Variants in MXRA7 observed in about 807,000 individuals in gnomAD.
The protein encoded by MXRA7 is matrix-remodeling-associated protein 7.
Under a neutral mutation model 17.4 loss-of-function variants are expected in MXRA7, and 18 were observed. The observed-to-expected ratio is 1.03, with a 90% confidence interval of 0.71 to 1.53. The LOEUF (loss-of-function observed/expected upper bound fraction) is 1.53. Ranked by LOEUF, MXRA7 falls within the 40% of genes most tolerant of loss-of-function variation. The probability of loss-of-function intolerance (pLI) is 0.00; values close to 1 mark genes in which losing one functional copy is unlikely to be tolerated. For synonymous variants in MXRA7, 70 were observed against 101.7 expected (o/e 0.69, Z 1.87); for missense variants, 141 against 209.3 (o/e 0.67, Z 2.01).
chr17:76,691,167 T>C (rs1364653351), intron 1 of MXRA7, among the ~76,000 whole-genome samples: 1 of 152,206 alleles, frequency 6.6e-6, no homozygotes, highest in African/African-American at 2.4e-5. Context: ...ATGACGCCTA[T>C]GTGATGAGGC....
intron 1 of MXRA7, among the ~76,000 whole-genome samples, chr17:76,706,694 C>T (rs1382354886): frequency 2.7e-5 from 2 of 75,020 alleles, no homozygotes; most frequent in Non-Finnish European, 7.8e-5. Flanking sequence ...TTAAGACAGA[C>T]AGATGAAGGC....
intron 1 of MXRA7, among the ~76,000 whole-genome samples, chr17:76,692,002 C>T (rs932315884): frequency 1.3e-5 from 2 of 152,150 alleles, no homozygotes; most frequent in Non-Finnish European, 2.9e-5. Flanking sequence ...CCCCAAAGGA[C>T]CCAGTATCAG....
intron 1 of MXRA7, among the ~76,000 whole-genome samples, chr17:76,706,934 C>T (rs879775551): frequency 7.9e-5 from 12 of 152,122 alleles, no homozygotes; most frequent in Non-Finnish European, 1.3e-4. Flanking sequence ...TATACACACA[C>T]ACACTGTGTG....
chr17:76,691,582 A>T (rs770867345), intron 1 of MXRA7, among the ~76,000 whole-genome samples: 2 of 152,082 alleles, frequency 1.3e-5, no homozygotes, highest in Non-Finnish European at 2.9e-5. Flanking sequence ...CAGGCAGTTA[A>T]TGTCAGAGTT....
At chr17:76,708,284 G>A (rs2076683587) in intron 1 of MXRA7, among the ~76,000 whole-genome samples, 1 of 152,226 alleles carries the variant, frequency 6.6e-6, no homozygotes, top group Non-Finnish European at 1.5e-5. Context: ...GGATTAGAAA[G>A]GAGGCAGTTA....
chr17:76,680,906 A>G (rs748664615), intron 3 of MXRA7, 27 bp from the exon 4 acceptor site: 6 of 1,573,988 alleles, frequency 3.8e-6, no homozygotes, highest in Middle Eastern at 1.7e-4. Flanking sequence ...GGAGAAAAAG[A>G]TAATTTATTT....
At chr17:76,687,605 C>G (rs1161200616) in intron 2 of MXRA7, among the ~76,000 whole-genome samples, 1 of 152,202 alleles carries the variant, frequency 6.6e-6, no homozygotes, top group Non-Finnish European at 1.5e-5. Flanking sequence ...GGCAGTGTCT[C>G]CCCTGTTCTC....
At chr17:76,678,489 T>C (rs996298364), downstream of MXRA7, among the ~76,000 whole-genome samples, 1 of 152,142 alleles carries the variant, frequency 6.6e-6, no homozygotes, top group Non-Finnish European at 1.5e-5. Flanking sequence ...CAGGGAGCCA[T>C]ATGTTTGTTG....
At chr17:76,685,319 C>T (rs999304801) in intron 2 of MXRA7, among the ~76,000 whole-genome samples, 154 bp from the exon 3 acceptor site, 2 of 152,196 alleles carry the variant, frequency 1.3e-5, no homozygotes, top group Non-Finnish European at 2.9e-5. Flanking sequence ...TACCCCCTCT[C>T]GTTCCATAGC....
At chr17:76,700,676 G>A (rs1175387748) in intron 1 of MXRA7, among the ~76,000 whole-genome samples, 1 of 152,252 alleles carries the variant, frequency 6.6e-6, no homozygotes, top group African/African-American at 2.4e-5. Flanking sequence ...CAGGAGCTGG[G>A]ATGTGGCGGG....
intron 1 of MXRA7, among the ~76,000 whole-genome samples, chr17:76,698,152 A>AG (rs1276429083): frequency 1.3e-4 from 20 of 152,160 alleles, no homozygotes; most frequent in Non-Finnish European, 2.2e-4. Flanking sequence ...TCCAGGAGGC[A>AG]GGCCGTTCCT....
intron 1 of MXRA7, among the ~76,000 whole-genome samples, chr17:76,708,288 G>A (rs182471978): frequency 1.3e-4 from 20 of 152,338 alleles, no homozygotes; most frequent in Middle Eastern, 6.8e-3. Context: ...TAGAAAGGAG[G>A]CAGTTAATGG....
At chr17:76,678,952 CCT>C (rs1368994961), downstream of MXRA7, among the ~76,000 whole-genome samples, 3 of 152,112 alleles carry the variant, frequency 2.0e-5, no homozygotes, top group Non-Finnish European at 2.9e-5. Flanking sequence ...AGTCGGTTCC[CCT>C]GTCTGGTGAA....
rs567616590 is a variant in MXRA7, at chr17:76,685,421, T to C, written c.407-256A>G. Among the ~76,000 whole-genome samples the C allele has an allele frequency of 2.3e-3, 346 of 152,286 alleles. 2 individuals carry two copies. The highest frequency in any genetic ancestry group is 8.1e-3 in the African/African-American group (337 of 41,554). The stretch of plus-strand genomic sequence containing the variant: ...TCCAGATGCCACATCCCTCCCAACA[T>C]CTGCAGTGCTCTGCCTTGCCCTGGC... On this transcript the variant is annotated intron_variant, in intron 2 of 3. Transcript: ENST00000449428.
chr17:76,680,663 C>A lies in MXRA7; in HGVS notation c.*204G>T. ...ACAGGAACAGACATGAACATCTCTA[C>A]ACAGGGCAGGGCCAAAGGTGTTCCC... On this transcript the variant is annotated 3_prime_UTR_variant, in exon 4 of 4. Transcript: ENST00000449428. 1.4e-6 allele frequency: 2 copies of A among 1,416,806 alleles called. No individual in the cohort carries two copies. Among genetic ancestry groups the A allele is most frequent in the South Asian group, 3.2e-5 (2 of 61,908 alleles). 87.8% of individuals were successfully genotyped at this position (1,416,806 alleles called of 1,614,324 possible). A position where few individuals can be genotyped will look rare whatever the true frequency, so the allele number is the denominator to read the frequency against.
chr17:76,685,310 A>AC, intron 2 of MXRA7, 145 bp from the exon 3 acceptor site: 2 of 639,976 alleles, frequency 3.1e-6, no homozygotes, highest in South Asian at 1.9e-5. Flanking sequence ...CAGCGCCTAT[A>AC]CCCCCTCTCG....
intron 1 of MXRA7, among the ~76,000 whole-genome samples, chr17:76,702,863 A>ATATATATACGTGTGTG (rs2076606794): frequency 2.0e-5 from 3 of 149,368 alleles, no homozygotes; most frequent in African/African-American, 7.4e-5. Flanking sequence ...AAATAAATAT[A>ATATATATACGTGTGTG]TATATATACG....
chr17:76,709,372 A>G (rs1197255878), intron 1 of MXRA7: 1 of 152,242 alleles, frequency 6.6e-6, no homozygotes, highest in East Asian at 1.9e-4. Context: ...ACCCCAAGCA[A>G]GAACGGCAGG....
rs2076709430 is a variant in MXRA7 at position 76,710,602 on chromosome 17, T to A, written c.342+3A>T. On this transcript the variant is annotated splice_donor_region_variant and intron_variant, in intron 1 of 3. Coordinates refer to ENST00000449428, the MANE Select transcript of MXRA7 (RefSeq NM_198530.4). ...AGGGGGCCGCGAGGGCCCCGGTGCG[T>A]ACCTGCCTCGCCTCCACCGCCTGCT... The A allele has an allele frequency of 7.3e-7, 1 of 1,373,656 alleles. No individual in the cohort carries two copies. The highest frequency in any genetic ancestry group is 9.4e-7 in the Non-Finnish European group (1 of 1,059,322). 85.1% of individuals were successfully genotyped at this position (1,373,656 alleles called of 1,614,324 possible). A position where few individuals can be genotyped will look rare whatever the true frequency, so the allele number is the denominator to read the frequency against.
Sources: gnomAD v4.1 joint callset for allele counts (sites outside exome capture counted in the v4.1 genomes callset) on GRCh38, gnomAD v4.1.1 for gene constraint, MANE v1.5 for transcripts, NCBI Gene and HGNC (gene_info 2026-07-23, HGNC 2026-07-21) for gene names.